Variants in ATL2 observed in about 807,000 individuals in gnomAD.
ATL2 encodes the protein atlastin GTPase 2, also known as atlastin-2.
In ATL2, 31 loss-of-function variants were observed where a neutral mutation model predicts 73.9. That is an observed-to-expected ratio of 0.42 (90% confidence interval 0.32 to 0.57). ATL2 has a LOEUF of 0.57. Ranked by LOEUF, ATL2 falls within the 20% of genes least tolerant of loss-of-function variation. The probability of loss-of-function intolerance (pLI) is 0.14; values close to 1 mark genes in which losing one functional copy is unlikely to be tolerated. For synonymous variants in ATL2, 291 were observed against 237.5 expected (o/e 1.23, Z -2.07); for missense variants, 738 against 702.6 (o/e 1.05, Z -0.57).
chr2:38,339,082 G>C (rs927082685), intron 2 of ATL2, among the ~76,000 whole-genome samples: 1 of 152,116 alleles, frequency 6.6e-6, no homozygotes, highest in African/African-American at 2.4e-5. Context: ...TGTGTGTGGT[G>C]GCAGGCACCT....
chr2:38,307,266 C>T (rs913515554), intron 9 of ATL2, among the ~76,000 whole-genome samples: 2 of 152,044 alleles, frequency 1.3e-5, no homozygotes, highest in African/African-American at 4.8e-5. Context: ...ATGTGCAAAA[C>T]CTTTTAACTT....
intron 1 of ATL2, chr2:38,358,693 A>G (rs1300395336): frequency 7.6e-6 from 1 of 131,278 alleles, no homozygotes; most frequent in Non-Finnish European, 1.4e-5. Flanking sequence ...CTCCGTCTGA[A>G]AAAAAAAAAA....
intron 6 of ATL2, among the ~76,000 whole-genome samples, chr2:38,313,853 C>T (rs887364156): frequency 5.3e-5 from 8 of 152,156 alleles, no homozygotes; most frequent in Non-Finnish European, 8.8e-5. Flanking sequence ...AAAATGTCTC[C>T]AGACATTAGC....
At chr2:38,330,997 G>C (rs1668954322) in intron 2 of ATL2, among the ~76,000 whole-genome samples, 1 of 152,204 alleles carries the variant, frequency 6.6e-6, no homozygotes, top group Admixed American at 6.5e-5. Flanking sequence ...AAGACAGCGT[G>C]ATACTGGTAT....
At chr2:38,338,129 T>C (rs1247257250) in intron 2 of ATL2, among the ~76,000 whole-genome samples, 1 of 152,116 alleles carries the variant, frequency 6.6e-6, no homozygotes, top group Non-Finnish European at 1.5e-5. Context: ...CATGCAGCCA[T>C]AAAAAAGGAT....
chr2:38,340,415 G>A (rs1055170442), intron 2 of ATL2, among the ~76,000 whole-genome samples: 2 of 151,974 alleles, frequency 1.3e-5, no homozygotes, highest in Admixed American at 6.6e-5. Flanking sequence ...GAAGTGGGGG[G>A]GGCAGGGCAT....
intron 2 of ATL2, among the ~76,000 whole-genome samples, chr2:38,336,945 T>A (rs1246178298): frequency 2.0e-5 from 3 of 152,166 alleles, no homozygotes; most frequent in Non-Finnish European, 4.4e-5. Flanking sequence ...TTGAGTCTGA[T>A]GAAGTCTCTA....
intron 1 of ATL2, 38 bp downstream of exon 1, chr2:38,377,105 C>G: frequency 6.3e-7 from 1 of 1,589,868 alleles, no homozygotes; most frequent in Non-Finnish European, 8.6e-7. Context: ...CGTCTCTCCC[C>G]ATCAGGGCCC....
intron 9 of ATL2, among the ~76,000 whole-genome samples, chr2:38,305,880 G>A (rs962200981): frequency 7.9e-5 from 12 of 151,586 alleles, no homozygotes; most frequent in African/African-American, 2.4e-4. Flanking sequence ...AAACAGAAAA[G>A]GAAGAGCAAA....
chr2:38,333,199 C>T (rs1237451762), intron 2 of ATL2, among the ~76,000 whole-genome samples: 7 of 151,788 alleles, frequency 4.6e-5, no homozygotes, highest in Non-Finnish European at 1.0e-4. Context: ...CCTTCAGGGT[C>T]GATCACCTGA....
intron 1 of ATL2, among the ~76,000 whole-genome samples, chr2:38,376,889 G>C (rs1672003983): frequency 6.6e-6 from 1 of 150,482 alleles, no homozygotes; most frequent in Non-Finnish European, 1.5e-5. Flanking sequence ...GGCCGGGCCG[G>C]TCGCAGACGC....
At chr2:38,359,296 C>T (rs112263334) in intron 1 of ATL2, among the ~76,000 whole-genome samples, 16,147 of 151,900 alleles carry the variant, frequency 0.11, 2,843 homozygotes, top group African/African-American at 0.37. Context: ...ATGGTGAAAC[C>T]CTGTCTCCAC....
At chr2:38,315,378 C>T in intron 4 of ATL2, 44 bp from the exon 5 acceptor site, 1 of 1,482,906 alleles carries the variant, frequency 6.7e-7, no homozygotes, top group Middle Eastern at 1.8e-4. Flanking sequence ...GTGTTTTGTT[C>T]TGAATACCCA....
chr2:38,313,243 T>C lies in ATL2; in HGVS notation c.712A>G (p.Thr238Ala). The C allele has an allele frequency of 6.3e-7, 1 of 1,587,722 alleles. No individual in the cohort carries two copies. Among genetic ancestry groups the C allele is most frequent in the Admixed American group, 1.8e-5 (1 of 54,154 alleles). Residue 238 changes from threonine (T) to alanine (A), a missense_variant and splice_region_variant, in exon 7 of 13, where the codon ACA (threonine) becomes GCA (alanine). Coordinates refer to ENST00000378954, the MANE Select transcript of ATL2 (RefSeq NM_001135673.4). Reference protein sequence around the residue: ...MEEIYQKPFQTLMFLIRDWSY... With the variant: ...MEEIYQKPFQALMFLIRDWSY... The stretch of plus-strand genomic sequence containing the variant: ...CAATCTCGAATCAAAAACATTAATG[T>C]CTATACACAGAAAAAATAAAAATTG...
intron 2 of ATL2, among the ~76,000 whole-genome samples, chr2:38,327,363 T>A (rs960571619): frequency 6.6e-6 from 1 of 152,106 alleles, no homozygotes; most frequent in South Asian, 2.1e-4. Flanking sequence ...CATGAAGCAG[T>A]ATAATATCTG....
chr2:38,321,619 C>T (rs1668326302), intron 2 of ATL2, among the ~76,000 whole-genome samples: 2 of 152,222 alleles, frequency 1.3e-5, no homozygotes, highest in South Asian at 2.1e-4. Context: ...GAAATGTAAT[C>T]GTGCCACTGT....
intron 1 of ATL2, chr2:38,359,377 G>A (rs1558450111): frequency 6.7e-6 from 1 of 150,228 alleles, no homozygotes; most frequent in African/African-American, 2.5e-5. Context: ...GGCTGAGGCA[G>A]AAGAATCACT....
Position 38,295,982 on chromosome 2 carries a change from G to C in ATL2, c.*12C>G, listed in dbSNP as rs758636877. The C allele has an allele frequency of 6.5e-7, 1 of 1,528,526 alleles. No individual in the cohort carries two copies. Among genetic ancestry groups the C allele is most frequent in the South Asian group, 1.2e-5 (1 of 82,430 alleles). 94.7% of individuals were successfully genotyped at this position (1,528,526 alleles called of 1,614,324 possible). Reference sequence around the variant, plus strand: ...AAAAAAAAGAGAGTGGAGTCCGTGAGGAGATGAACTGTCAGTCTGTCTTTA... The same window carrying C: ...AAAAAAAAGAGAGTGGAGTCCGTGACGAGATGAACTGTCAGTCTGTCTTTA... On this transcript the variant is annotated 3_prime_UTR_variant, in exon 13 of 13. Coordinates refer to ENST00000378954, the MANE Select transcript of ATL2 (RefSeq NM_001135673.4).
At chr2:38,325,761 C>CACACACACACACACA (rs1367045070) in intron 2 of ATL2, among the ~76,000 whole-genome samples, 1 of 139,762 alleles carries the variant, frequency 7.2e-6, no homozygotes, top group African/African-American at 2.6e-5. Flanking sequence ...CACACACACA[C>CACACACACACACACA]CAGTCCCCAC....
Sources: gnomAD v4.1 joint callset for allele counts (sites outside exome capture counted in the v4.1 genomes callset) on GRCh38, gnomAD v4.1.1 for gene constraint, MANE v1.5 for transcripts, NCBI Gene and HGNC (gene_info 2026-07-23, HGNC 2026-07-21) for gene names.